Variants in FRYL observed in about 807,000 individuals in gnomAD.
FRYL encodes FRY like transcription coactivator, also known as protein furry homolog-like.
A neutral mutation model predicts 351.2 loss-of-function variants in FRYL; 150 were observed. The observed-to-expected ratio is 0.43, with a 90% confidence interval of 0.37 to 0.49. FRYL has a LOEUF of 0.49. FRYL is among the 20% of genes least tolerant of loss of function. The probability of loss-of-function intolerance (pLI) is 0.00; values close to 1 mark genes in which losing one functional copy is unlikely to be tolerated. For synonymous variants in FRYL, 1,153 were observed against 1,257.1 expected, an observed-to-expected ratio of 0.92 and a Z score of 1.75; for missense variants, 3,036 against 3,619.3, an observed-to-expected ratio of 0.84 and a Z score of 4.13.
chr4:48,528,413 C>T lies in FRYL; in HGVS notation c.6904-77G>A, dbSNP rs1252867478. The T allele has an allele frequency of 6.6e-6, 7 of 1,065,650 alleles. No homozygotes were observed. The East Asian group carries it at 1.9e-4, about 28-fold the overall frequency. 66.0% of individuals were successfully genotyped at this position (1,065,650 alleles called of 1,614,324 possible). The stretch of plus-strand genomic sequence containing the variant: ...AAACTTAAAAGGGTTAACAGTGCAC[C>T]TATAATATTTTTTACAAATAAAAAA... On this transcript the variant is annotated intron_variant, in intron 50 of 63. Coordinates refer to ENST00000358350, the MANE Select transcript of FRYL (RefSeq NM_015030.2).
chr4:48,776,396 T>C (rs1027739457), intron 1 of FRYL, among the ~76,000 whole-genome samples: 14 of 152,150 alleles, frequency 9.2e-5, no homozygotes, highest in Non-Finnish European at 1.2e-4. Flanking sequence ...ATACACACTT[T>C]CCAAACCCAA....
chr4:48,524,374 G>A (rs1725540315), intron 53 of FRYL, among the ~76,000 whole-genome samples: 1 of 152,048 alleles, frequency 6.6e-6, no homozygotes, highest in South Asian at 2.1e-4. Flanking sequence ...GTCAGAGTTT[G>A]AAAACCACCT....
chr4:48,722,777 T>C (rs1427205823), intron 1 of FRYL, among the ~76,000 whole-genome samples: 1 of 152,168 alleles, frequency 6.6e-6, no homozygotes, highest in East Asian at 1.9e-4. Context: ...ACACAATTGG[T>C]TCAACTTCCT....
intron 30 of FRYL, 72 bp from the exon 31 acceptor site, chr4:48,564,174 C>T: frequency 6.5e-7 from 1 of 1,528,942 alleles, no homozygotes; most frequent in Non-Finnish European, 8.9e-7. Context: ...ATAGTTCTTA[C>T]TAAAGTAATA....
Position 48,512,497 on chromosome 4 carries a change from A to G in FRYL, c.8129T>C (p.Phe2710Ser). ...GSSAVFTFHV[F>S]SRLFQTIQRK... is the part of the protein sequence containing the mutation. ...CTCACTGACCTGAAACAGCCTAGAA[A>G]ACACATGAAAAGTAAACACTGCAGA... The change falls in exon 57 of 64, where the codon TTT becomes TCT. Residue 2710 changes from phenylalanine to serine, a missense_variant. By Grantham distance (155) the Phe-to-Ser change is radical (BLOSUM62 -2). Coordinates refer to ENST00000358350, the MANE Select transcript of FRYL (RefSeq NM_015030.2). 1 of 1,613,338 alleles carries G rather than the reference A, an allele frequency of 6.2e-7. No individual in the cohort carries two copies. The highest frequency in any genetic ancestry group is 8.5e-7 in the Non-Finnish European group (1 of 1,179,332).
intron 1 of FRYL, among the ~76,000 whole-genome samples, chr4:48,749,189 A>G (rs1772991886): frequency 6.6e-6 from 1 of 152,244 alleles, no homozygotes; most frequent in Non-Finnish European, 1.5e-5. Flanking sequence ...AATGTGATCC[A>G]CCATACATTT....
At chr4:48,605,635 A>G in intron 11 of FRYL, 106 bp downstream of exon 11, 2 of 758,256 alleles carry the variant, frequency 2.6e-6, no homozygotes, top group Middle Eastern at 3.2e-4. Flanking sequence ...TCCCATGGCC[A>G]CAGCTTATTG....
chr4:48,709,638 A>G (rs1242591659), intron 2 of FRYL, among the ~76,000 whole-genome samples: 1 of 152,230 alleles, frequency 6.6e-6, no homozygotes, highest in Non-Finnish European at 1.5e-5. Context: ...TAGTTCATAA[A>G]GTGTTGGGAT....
chr4:48,608,757 C>T (rs1747380243), intron 9 of FRYL, among the ~76,000 whole-genome samples: 1 of 152,036 alleles, frequency 6.6e-6, no homozygotes, highest in South Asian at 2.1e-4. Flanking sequence ...CTGATTTGTT[C>T]GATTCAGACA....
In FRYL at chr4:48,510,960, T is replaced by C. The variant is rs959817259; in HGVS notation, c.8170A>G (p.Ile2724Val). Reference protein sequence around the residue: ...FQTIQRKFGEITNEAVSFLGD... With the variant: ...FQTIQRKFGEVTNEAVSFLGD... Reference sequence around the variant, plus strand: ...AGAAAGCTGACTGCCTCATTAGTTATTTCTCCAAACTTTCTTTGAATTGTC... The same window carrying C: ...AGAAAGCTGACTGCCTCATTAGTTACTTCTCCAAACTTTCTTTGAATTGTC... The change falls in exon 58 of 64, where the codon ATA becomes GTA. Residue 2724 changes from isoleucine (I) to valine (V), a missense_variant. By Grantham distance (29) the Ile-to-Val change is conservative (BLOSUM62 3). Around this residue, in one of 7 missense-constraint regions of FRYL, gnomAD observed 1,987 missense variants for 2,311.7 expected, o/e 0.86. Transcript: ENST00000358350. 2.5e-6 allele frequency: 4 copies of C among 1,612,292 alleles called. No individual in the cohort carries two copies. The highest frequency in any genetic ancestry group is 3.4e-6 in the Non-Finnish European group (4 of 1,179,244).
intron 47 of FRYL, among the ~76,000 whole-genome samples, chr4:48,536,162 T>C (rs1728828213): frequency 6.6e-6 from 1 of 152,198 alleles, no homozygotes. Context: ...AAACCCAGGA[T>C]GGATCAGTGC....
intron 27 of FRYL, among the ~76,000 whole-genome samples, chr4:48,570,025 G>A (rs1737919496): frequency 6.6e-6 from 1 of 152,024 alleles, no homozygotes; most frequent in Admixed American, 6.6e-5. Flanking sequence ...TGTTGCCTAG[G>A]CTGGTCTCCA....
chr4:48,641,968 G>C (rs1477698764), intron 3 of FRYL, among the ~76,000 whole-genome samples: 7 of 151,900 alleles, frequency 4.6e-5, no homozygotes, highest in African/African-American at 1.5e-4. Context: ...TAACTTATTT[G>C]AGCTACTGAT....
Position 48,521,078 on chromosome 4 carries a change from A to G in FRYL, c.7659T>C (p.Ser2553=). The G allele has an allele frequency of 6.2e-7, 1 of 1,613,304 alleles. No homozygotes were observed. The highest frequency in any genetic ancestry group is 1.3e-5 in the African/African-American group (1 of 75,026). Residue 2553 remains serine (S), a synonymous_variant, in exon 55 of 64, where the codon TCT becomes TCC. Transcript: ENST00000358350. ...GCAGCCGGCTGTTAGCATTATCTAG[A>G]GAAGCCTCCAAAGTTGGGGTCTCAT... ...IRDETPTLEA[S]LDNANSRLPE...
At chr4:48,745,177 T>C (rs1487316783) in intron 1 of FRYL, among the ~76,000 whole-genome samples, 9 of 152,184 alleles carry the variant, frequency 5.9e-5, no homozygotes, top group Admixed American at 5.9e-4. Context: ...AGCTCAACTA[T>C]TGTGGAAGAC....
rs775980208 is a variant in FRYL at position 48,567,203 on chromosome 4, G to A, written c.3169+45C>T. 2.3e-5 allele frequency: 33 copies of A among 1,464,162 alleles called. No individual in the cohort carries two copies. In the Admixed American group the frequency reaches 4.1e-4, roughly 18 times the overall value. 90.7% of individuals were successfully genotyped at this position (1,464,162 alleles called of 1,614,324 possible). A position where few individuals can be genotyped will look rare whatever the true frequency, so the allele number is the denominator to read the frequency against. ...ACCTCAAGGAAAGAAAAAATATGAC[G>A]GTTCCTTAATACTCAATAATGCTTT... On this transcript the variant is annotated intron_variant, in intron 28 of 63. Coordinates refer to ENST00000358350, the MANE Select transcript of FRYL (RefSeq NM_015030.2). The surrounding 1 kb of genome is among the most constrained non-coding windows in gnomAD (Gnocchi z 4.2).
intron 1 of FRYL, among the ~76,000 whole-genome samples, chr4:48,743,698 A>G (rs1375427204): frequency 6.6e-6 from 1 of 152,216 alleles, no homozygotes; most frequent in African/African-American, 2.4e-5. Context: ...ATATGAGATT[A>G]ACACTTAAAT....
intron 1 of FRYL, among the ~76,000 whole-genome samples, chr4:48,763,265 C>A (rs537814674): frequency 1.3e-5 from 2 of 151,402 alleles, no homozygotes; most frequent in South Asian, 4.2e-4. Context: ...AGTTTGAGAC[C>A]AGGCTGGGCA....
intron 1 of FRYL, among the ~76,000 whole-genome samples, chr4:48,731,621 A>G (rs1374225320): frequency 6.6e-6 from 1 of 152,186 alleles, no homozygotes; most frequent in Non-Finnish European, 1.5e-5. Context: ...GGCCTCAGAA[A>G]TAACACCACA....
Sources: gnomAD v4.1 joint callset for allele counts (sites outside exome capture counted in the v4.1 genomes callset) on GRCh38, gnomAD v4.1.1 for gene constraint, gnomAD v4.1.1 regional missense constraint, Gnocchi (gnomAD v3.1) non-coding constraint, MANE v1.5 for transcripts, NCBI Gene and HGNC (gene_info 2026-07-23, HGNC 2026-07-21) for gene names.